Variants in CDR2L observed in about 807,000 individuals in gnomAD.
The protein encoded by CDR2L is cerebellar degeneration related protein 2 like.
CDR2L carries 19 observed loss-of-function variants against 36.1 expected under a neutral mutation model. The ratio of observed to expected loss-of-function variants is 0.53; its 90% confidence interval spans 0.37 to 0.77. The LOEUF (loss-of-function observed/expected upper bound fraction) is 0.77. Among genes scored for constraint, CDR2L ranks in the 30% least tolerant of loss-of-function variants. CDR2L has a pLI of 0.00. For synonymous variants in CDR2L, 285 were observed against 280.4 expected (o/e 1.02, Z -0.16); for missense variants, 575 against 627.2 (o/e 0.92, Z 0.89).
Position 75,003,240 on chromosome 17 carries a change from G to A in CDR2L, c.564G>A (p.Leu188=). 2 of 1,564,466 alleles carry A rather than the reference G, an allele frequency of 1.3e-6. No individual in the cohort carries two copies. The highest frequency in any genetic ancestry group is 1.4e-5 in the African/African-American group (1 of 73,734). Residue 188 remains leucine (L), a synonymous_variant, in exon 5 of 5, where the codon CTG becomes CTA. Coordinates refer to ENST00000337231, the MANE Select transcript of CDR2L (RefSeq NM_014603.3). The part of the protein sequence containing the change: ...SSSLELGPRP[L]EQENERLQTL... ...CCCTGGAGCTGGGCCCGCGGCCCCT[G>A]GAGCAGGAGAACGAGCGGCTGCAGA...
At position 75,003,237 on chromosome 17, in the gene CDR2L, C is replaced by G. The variant is rs989069909; in HGVS notation, c.561C>G (p.Pro187=). 6 of 1,564,778 alleles carry G rather than the reference C, an allele frequency of 3.8e-6. No individual in the cohort carries two copies. In the African/African-American group the frequency reaches 8.1e-5, roughly 21 times the overall value. Reference sequence around the variant, plus strand: ...CCTCCCTGGAGCTGGGCCCGCGGCCCCTGGAGCAGGAGAACGAGCGGCTGC... The same window carrying G: ...CCTCCCTGGAGCTGGGCCCGCGGCCGCTGGAGCAGGAGAACGAGCGGCTGC... ...HSSSLELGPR[P]LEQENERLQT... Residue 187 remains proline (P), a synonymous_variant, in exon 5 of 5, where the codon CCC becomes CCG. Transcript: ENST00000337231.
intron 1 of CDR2L, among the ~76,000 whole-genome samples, chr17:74,997,880 G>A (rs1196477342): frequency 6.7e-6 from 1 of 149,470 alleles, no homozygotes; most frequent in African/African-American, 2.5e-5. Context: ...GCGTGGTAGT[G>A]GGTGCCTGTA....
rs1433604342 is a variant in CDR2L at position 75,003,343 on chromosome 17, G to A, written c.667G>A (p.Val223Met). 2 of 1,556,836 alleles carry A rather than the reference G, an allele frequency of 1.3e-6. No homozygotes were observed. Reference sequence around the variant, plus strand: ...GCGGGCGGAGCGCGAGTACACCGCGGTGCTGCAGGAGTACTCGGAGCTGGA... The same window carrying A: ...GCGGGCGGAGCGCGAGTACACCGCGATGCTGCAGGAGTACTCGGAGCTGGA... ...KERAEREYTAVLQEYSELERQ... is the reference protein window; with the variant it reads ...KERAEREYTAMLQEYSELERQ... Residue 223 changes from valine (V) to methionine (M), a missense_variant, in exon 5 of 5, where the codon GTG (valine) becomes ATG (methionine). By Grantham distance (21) the Val-to-Met change is conservative. Transcript: ENST00000337231.
In CDR2L at chr17:74,989,619, A is replaced by G. The variant is rs1314844171; in HGVS notation, c.79+1497A>G. 2.0e-5 allele frequency among the ~76,000 whole-genome samples: 3 copies of G among 152,100 alleles called. No individual in the cohort carries two copies. The East Asian group carries it at 5.8e-4, about 29-fold the overall frequency. ...AGGAGGCAGGCTTGTAACTAAGTGTAGGTGGCACAGTATTTTTTTCTTTTT... is the reference window on the plus strand; with the variant it reads ...AGGAGGCAGGCTTGTAACTAAGTGTGGGTGGCACAGTATTTTTTTCTTTTT... On this transcript the variant is annotated intron_variant, in intron 1 of 4. Coordinates refer to ENST00000337231, the MANE Select transcript of CDR2L (RefSeq NM_014603.3). This position sits in a 1 kb window ranked among gnomAD's most constrained non-coding sequence, Gnocchi z 4.2.
chr17:75,001,420 C>A lies in CDR2L; in HGVS notation c.272C>A (p.Ala91Asp). 1 of 1,609,192 alleles carries A rather than the reference C, an allele frequency of 6.2e-7. No homozygotes were observed. Among genetic ancestry groups the A allele is most frequent in the East Asian group, 2.2e-5 (1 of 44,794 alleles). ...AKVYEQLDLT[A>D]RDLELTNHRL... is the part of the protein sequence containing the mutation. ...GTCTATGAGCAGCTGGACCTGACAG[C>A]CCGGGACCTGGAGCTGACCAACCAC... The change falls in exon 3 of 5, where the codon GCC becomes GAC. Residue 91 changes from alanine to aspartate, a missense_variant. Physicochemically the swap from Ala to Asp is moderately radical, Grantham distance 126 (BLOSUM62 -2). Coordinates refer to ENST00000337231, the MANE Select transcript of CDR2L (RefSeq NM_014603.3).
chr17:74,990,795 C>G (rs879483481), intron 1 of CDR2L, among the ~76,000 whole-genome samples: 1 of 152,210 alleles, frequency 6.6e-6, no homozygotes, highest in Non-Finnish European at 1.5e-5. Flanking sequence ...GGACGGAGCA[C>G]GGGCCAAAGG....
intron 1 of CDR2L, among the ~76,000 whole-genome samples, chr17:74,991,491 A>G (rs1215753209): frequency 1.3e-5 from 2 of 150,232 alleles, no homozygotes; most frequent in African/African-American, 4.9e-5. Context: ...GCCGAGGCGG[A>G]TGGATCACAA....
intron 3 of CDR2L, 50 bp downstream of exon 3, chr17:75,001,539 C>T (rs759123705): frequency 1.8e-5 from 26 of 1,452,774 alleles, no homozygotes; most frequent in African/African-American, 2.9e-5. Flanking sequence ...AGCCCCAGGG[C>T]TGAGTGTACA....
rs1250001077 is a variant in CDR2L, at chr17:75,003,842, C to T, written c.1166C>T (p.Ser389Leu). Residue 389 changes from serine (S) to leucine (L), a missense_variant, in exon 5 of 5, where the codon TCG (serine) becomes TTG (leucine). By Grantham distance (145) the Ser-to-Leu change is moderately radical. Coordinates refer to ENST00000337231, the MANE Select transcript of CDR2L (RefSeq NM_014603.3). ...GTGCGGCACGCCGGCGTGCAGACCT[C>T]GCGCCCCATCTCCCGGGACAGCTCG... ...AGVRHAGVQT[S>L]RPISRDSSWR... is the part of the protein sequence containing the mutation. 3 of 1,575,350 alleles carry T rather than the reference C, an allele frequency of 1.9e-6. No individual in the cohort carries two copies. Among genetic ancestry groups the T allele is most frequent in the African/African-American group, 1.3e-5 (1 of 74,152 alleles).
At chr17:74,994,299 C>T (rs1264506354) in intron 1 of CDR2L, among the ~76,000 whole-genome samples, 1 of 152,242 alleles carries the variant, frequency 6.6e-6, no homozygotes, top group Non-Finnish European at 1.5e-5. Context: ...CCCTGAACCA[C>T]ATCATATTGG....
rs1038579418 is a variant in CDR2L at position 75,004,200 on chromosome 17, C to G, written c.*126C>G. ...CACCACAGCACGCGGCCTCCTGATC[C>G]GGAAGCACGCAGCATGTTCCCTGCT... is the stretch of plus-strand genomic sequence containing the variant. On this transcript the variant is annotated 3_prime_UTR_variant, in exon 5 of 5. Transcript: ENST00000337231. 2.5e-6 allele frequency: 2 copies of G among 785,432 alleles called. No homozygotes were observed. The highest frequency in any genetic ancestry group is 4.0e-6 in the Non-Finnish European group (2 of 501,846). 48.7% of individuals were successfully genotyped at this position (785,432 alleles called of 1,614,324 possible).
intron 1 of CDR2L, among the ~76,000 whole-genome samples, chr17:74,998,985 C>T (rs1205331437): frequency 2.0e-5 from 3 of 152,152 alleles, no homozygotes; most frequent in South Asian, 4.1e-4. Context: ...TCTCACCATG[C>T]GCTGGTGTGG....
At chr17:75,003,127 G>A in intron 4 of CDR2L, 56 bp from the exon 5 acceptor site, 3 of 1,529,992 alleles carry the variant, frequency 2.0e-6, no homozygotes, top group Non-Finnish European at 2.6e-6. Flanking sequence ...GGCCGTGCCC[G>A]TGACCACTGC....
Position 75,003,288 on chromosome 17 carries a change from C to G in CDR2L, c.612C>G (p.Ser204=), listed in dbSNP as rs1332046332. ...RLQTLVGALR[S]QVSQERQRKE... ...AGACCCTGGTGGGGGCGCTGCGCTC[C>G]CAGGTGAGCCAGGAGCGGCAGCGCA... Residue 204 remains serine (S), a synonymous_variant, in exon 5 of 5, where the codon TCC becomes TCG. Transcript: ENST00000337231. The G allele has an allele frequency of 6.4e-7, 1 of 1,556,114 alleles. No individual in the cohort carries two copies. Among genetic ancestry groups the G allele is most frequent in the African/African-American group, 1.4e-5 (1 of 73,432 alleles).
intron 1 of CDR2L, among the ~76,000 whole-genome samples, chr17:74,988,948 G>A (rs1383416183): frequency 1.3e-5 from 2 of 152,140 alleles, no homozygotes; most frequent in Non-Finnish European, 2.9e-5. Context: ...GAAAGGAAGA[G>A]GAGGCCTGCT....
chr17:74,991,889 T>C (rs2039799597), intron 1 of CDR2L, among the ~76,000 whole-genome samples: 2 of 152,152 alleles, frequency 1.3e-5, no homozygotes, highest in Non-Finnish European at 2.9e-5. Context: ...GTACCCGTGC[T>C]GTCCCCGCCT....
chr17:74,992,872 A>G (rs1210521869), intron 1 of CDR2L, among the ~76,000 whole-genome samples: 3 of 152,162 alleles, frequency 2.0e-5, no homozygotes, highest in Non-Finnish European at 1.5e-5. Context: ...CAGCCCAGAC[A>G]CTAACCTGGA....
chr17:74,993,868 T>C (rs2039810459), intron 1 of CDR2L, among the ~76,000 whole-genome samples: 1 of 152,210 alleles, frequency 6.6e-6, no homozygotes, highest in African/African-American at 2.4e-5. Flanking sequence ...TTTGGCTGTT[T>C]CAAAACCTCA....
intron 1 of CDR2L, among the ~76,000 whole-genome samples, chr17:74,991,439 C>T (rs1451422983): frequency 2.9e-5 from 4 of 136,170 alleles, no homozygotes; most frequent in South Asian, 4.8e-4. Context: ...TAGAAAGAGC[C>T]GGGCACGGTG....
Sources: allele counts gnomAD v4.1 joint callset (sites outside exome capture counted in the v4.1 genomes callset), GRCh38; gene constraint gnomAD v4.1.1; non-coding constraint Gnocchi (gnomAD v3.1); transcripts MANE v1.5; gene names NCBI Gene and HGNC (gene_info 2026-07-23, HGNC 2026-07-21).